MRLN: variants seen among roughly 807,000 people sequenced by gnomAD.
MRLN encodes myoregulin.
chr10:59,753,329 A>T (rs2070184840), intron 1 of MRLN, 25 bp downstream of exon 1: 1 of 132,766 alleles, frequency 7.5e-6, no homozygotes. Context: ...AAACAAAACA[A>T]AACAAACAAA....
chr10:59,747,226 C>T (rs1841052121), intron 1 of MRLN, among the ~76,000 whole-genome samples: 1 of 152,180 alleles, frequency 6.6e-6, no homozygotes, highest in African/African-American at 2.4e-5. Flanking sequence ...ACCTCCTTAA[C>T]ATTAACTAAG....
chr10:59,749,446 C>A (rs147610730), intron 1 of MRLN, among the ~76,000 whole-genome samples: 2,135 of 152,262 alleles, frequency 0.014, 51 homozygotes, highest in African/African-American at 0.049. Flanking sequence ...GTAATCCCAG[C>A]ACTTTGGGAG....
intron 1 of MRLN, among the ~76,000 whole-genome samples, chr10:59,750,451 G>A (rs907255513): frequency 6.6e-6 from 1 of 152,204 alleles, no homozygotes; most frequent in Non-Finnish European, 1.5e-5. Context: ...AATGTTTGAA[G>A]TAAATGTTCT....
rs570455135 is a variant in MRLN, at chr10:59,749,899, C to T, written c.-125+3455G>A. ...AAGCCCAGAGAAGCTGAGGCAGACA[C>T]ACAGACACATGAGCAGCAGGGTGTT... On this transcript the variant is annotated intron_variant, in intron 1 of 2. Coordinates refer to ENST00000414264, the MANE Select transcript of MRLN (RefSeq NM_001304731.2). Among the ~76,000 whole-genome samples the T allele has an allele frequency of 2.4e-3, 364 of 151,958 alleles. 3 individuals are homozygous for T. The highest frequency in any genetic ancestry group is 8.4e-3 in the African/African-American group (349 of 41,446).
At chr10:59,743,867 T>C (rs180876044) in intron 1 of MRLN, among the ~76,000 whole-genome samples, 23 of 152,308 alleles carry the variant, frequency 1.5e-4, no homozygotes, top group African/African-American at 4.8e-4. Flanking sequence ...GGTTTCGCCA[T>C]GTTGGCCGGG....
intron 1 of MRLN, among the ~76,000 whole-genome samples, chr10:59,749,242 C>A (rs935817249): frequency 2.0e-5 from 3 of 152,122 alleles, no homozygotes; most frequent in Non-Finnish European, 4.4e-5. Context: ...ATATTCATAC[C>A]ACTATTTTCT....
intron 1 of MRLN, among the ~76,000 whole-genome samples, chr10:59,750,915 T>A (rs1243309941): frequency 6.6e-6 from 1 of 152,234 alleles, no homozygotes; most frequent in Non-Finnish European, 1.5e-5. Context: ...TTGTTTGTGT[T>A]TTTTGACCTG....
intron 1 of MRLN, among the ~76,000 whole-genome samples, chr10:59,748,689 AG>A (rs1841067313): frequency 6.6e-6 from 1 of 152,244 alleles, no homozygotes; most frequent in African/African-American, 2.4e-5. Context: ...AGAAGTGCAG[AG>A]ACTTGTCTGA....
intron 1 of MRLN, among the ~76,000 whole-genome samples, chr10:59,745,171 T>C (rs1841031132): frequency 6.6e-6 from 1 of 152,120 alleles, no homozygotes; most frequent in Non-Finnish European, 1.5e-5. Context: ...GTTTCTTCTT[T>C]AGGATTGAAG....
At chr10:59,745,385 A>G (rs918799507) in intron 1 of MRLN, among the ~76,000 whole-genome samples, 1 of 152,092 alleles carries the variant, frequency 6.6e-6, no homozygotes, top group African/African-American at 2.4e-5. Context: ...TTTTAACATC[A>G]TAGTTAAAAT....
At chr10:59,743,813 C>CG (rs1841009958) in intron 1 of MRLN, among the ~76,000 whole-genome samples, 1 of 152,138 alleles carries the variant, frequency 6.6e-6, no homozygotes, top group Non-Finnish European at 1.5e-5. Flanking sequence ...TGCAGGTGCG[C>CG]GCCGCCACGC....
rs1840930805 is a variant in MRLN, at chr10:59,736,939, C to A, written c.*121G>T. The A allele has an allele frequency of 2.7e-6, 1 of 371,860 alleles. No individual in the cohort carries two copies. Among genetic ancestry groups the A allele is most frequent in the Admixed American group, 4.6e-5 (1 of 21,762 alleles). 23.0% of individuals were successfully genotyped at this position (371,860 alleles called of 1,614,324 possible). A position where few individuals can be genotyped will look rare whatever the true frequency, so the allele number is the denominator to read the frequency against. On this transcript the variant is annotated 3_prime_UTR_variant, in exon 3 of 3. Transcript: ENST00000414264. ...CACAATGTTGTTTGTATTGCAGTGTCCTGTTGGCTTCTAGAATAAATTGGC... is the reference window on the plus strand; with the variant it reads ...CACAATGTTGTTTGTATTGCAGTGTACTGTTGGCTTCTAGAATAAATTGGC...
intron 1 of MRLN, among the ~76,000 whole-genome samples, chr10:59,742,059 C>T (rs1398815742): frequency 6.6e-6 from 1 of 152,182 alleles, no homozygotes; most frequent in Non-Finnish European, 1.5e-5. Context: ...ATGATTATAA[C>T]TCCTACTTAT....
At chr10:59,740,293 T>A (rs1840968314) in intron 1 of MRLN, among the ~76,000 whole-genome samples, 2 of 15,710 alleles carry the variant, frequency 1.3e-4, no homozygotes, top group Admixed American at 2.1e-3. Context: ...TGATAAAAAA[T>A]GACTGTTAAT....
chr10:59,740,947 A>G (rs1166827646), intron 1 of MRLN, among the ~76,000 whole-genome samples: 6 of 151,772 alleles, frequency 4.0e-5, no homozygotes, highest in Non-Finnish European at 8.8e-5. Context: ...ACAGGAATGC[A>G]CCACCACATC....
chr10:59,738,807 AC>A (rs1840950045), intron 1 of MRLN: 1 of 152,186 alleles, frequency 6.6e-6, no homozygotes, highest in Non-Finnish European at 1.5e-5. Context: ...GGTGGGGCAA[AC>A]ATTCACCACA....
At chr10:59,746,007 C>G (rs1388519210) in intron 1 of MRLN, among the ~76,000 whole-genome samples, 1 of 152,188 alleles carries the variant, frequency 6.6e-6, no homozygotes, top group African/African-American at 2.4e-5. Flanking sequence ...CTCCTAACCT[C>G]TAACATTTCT....
At chr10:59,748,105 T>TG (rs1303962594) in intron 1 of MRLN, among the ~76,000 whole-genome samples, 1 of 150,944 alleles carries the variant, frequency 6.6e-6, no homozygotes, top group Non-Finnish European at 1.5e-5. Flanking sequence ...TTTTTTTTTT[T>TG]GCTTATAATT....
At chr10:59,747,906 A>T (rs1004424458) in intron 1 of MRLN, among the ~76,000 whole-genome samples, 3 of 152,238 alleles carry the variant, frequency 2.0e-5, no homozygotes, top group African/African-American at 7.2e-5. Context: ...CAAGAAAAAC[A>T]TACATAATAA....
Sources: gnomAD v4.1 joint callset for allele counts (sites outside exome capture counted in the v4.1 genomes callset) on GRCh38, gnomAD v4.1.1 for gene constraint, MANE v1.5 for transcripts, NCBI Gene and HGNC (gene_info 2026-07-23, HGNC 2026-07-21) for gene names.